The following PKP2 variants were observed in gnomAD, a reference collection of about 807,000 sequenced individuals.
PKP2 encodes plakophilin 2.
PKP2 carries 73 observed loss-of-function variants against 83.4 expected under a neutral mutation model. The observed-to-expected ratio is 0.88, with a 90% CI of 0.72 to 1.06. The LOEUF (loss-of-function observed/expected upper bound fraction) is 1.06. Among genes scored for constraint, PKP2 ranks in the 50% least tolerant of loss-of-function variants. The pLI is 0.00. For missense variants in PKP2, 966 were observed against 1,065.4 expected (o/e 0.91, Z 1.30); for synonymous variants, 409 against 430.4 (o/e 0.95, Z 0.62).
chr12:32,795,916 T>C (rs1412748731), intron 11 of PKP2, among the ~76,000 whole-genome samples, 193 bp downstream of exon 11: 1 of 152,136 alleles, frequency 6.6e-6, no homozygotes, highest in East Asian at 1.9e-4. Context: ...GGGACAAGCA[T>C]GTGGTGTGGT....
At chr12:32,871,243 C>A (rs1172226272) in intron 3 of PKP2, among the ~76,000 whole-genome samples, 1 of 152,086 alleles carries the variant, frequency 6.6e-6, no homozygotes, top group Non-Finnish European at 1.5e-5. Flanking sequence ...GCTTATCATA[C>A]TACCTAATTC....
chr12:32,878,929 G>A lies in PKP2; in HGVS notation c.327C>T (p.Asp109=), dbSNP rs1285494956. 5 of 1,546,694 alleles carry A rather than the reference G, an allele frequency of 3.2e-6. No individual in the cohort carries two copies. Among genetic ancestry groups the A allele is most frequent in the Non-Finnish European group, 4.5e-6 (5 of 1,120,270 alleles). Residue 109 remains aspartate, a synonymous_variant, in exon 2 of 13, where the codon GAC becomes GAT. Transcript: ENST00000340811. ...GGRSPVPKTY[D]MLKAGTTATY... is the part of the protein sequence containing the mutation. ...TTCTTTGATATCCTACCTTTAGCAT[G>A]TCATAGGTTTTAGGAACAGGGGAAC...
Position 32,802,459 on chromosome 12 carries a change from G to A in PKP2, c.2111C>T (p.Thr704Ile). The A allele has an allele frequency of 1.2e-6, 2 of 1,614,130 alleles. No individual in the cohort carries two copies. The highest frequency in any genetic ancestry group is 1.3e-5 in the African/African-American group (1 of 75,048). The change falls in exon 10 of 13, where the codon ACA becomes ATA. Residue 704 changes from threonine (T) to isoleucine (I), a missense_variant. Transcript: ENST00000340811. The part of the protein sequence containing the change: ...LHVGDPSVKK[T>I]AISLLRNLSR... ...CAGATTCCTCAGCAGCGAGATGGCT[G>A]TCTTTTTCACACTTGGGTCACCAAC... is the stretch of plus-strand genomic sequence containing the variant.
chr12:32,803,575 T>C (rs910701882), intron 9 of PKP2, among the ~76,000 whole-genome samples: 1 of 152,222 alleles, frequency 6.6e-6, no homozygotes, highest in Non-Finnish European at 1.5e-5. Flanking sequence ...CTTTAGCTAT[T>C]TGTGTAATAC....
At chr12:32,863,971 G>C (rs936221894) in intron 4 of PKP2, among the ~76,000 whole-genome samples, 2 of 151,768 alleles carry the variant, frequency 1.3e-5, no homozygotes, top group Non-Finnish European at 2.9e-5. Context: ...AACCAGGTGG[G>C]GTTTATGAAT....
At chr12:32,894,162 G>A (rs1191469541) in intron 1 of PKP2, 1 of 152,092 alleles carries the variant, frequency 6.6e-6, no homozygotes, top group Admixed American at 6.6e-5. Flanking sequence ...CCCGACCTCA[G>A]GTGATCCTCC....
chr12:32,798,031 C>T (rs1022606320), intron 10 of PKP2, among the ~76,000 whole-genome samples: 43 of 150,244 alleles, frequency 2.9e-4, no homozygotes, highest in African/African-American at 9.0e-4. Context: ...AAATAATAAA[C>T]GAATAATCTT....
chr12:32,862,099 G>A (rs1176074587), intron 4 of PKP2, among the ~76,000 whole-genome samples: 1 of 152,060 alleles, frequency 6.6e-6, no homozygotes, highest in African/African-American at 2.4e-5. Flanking sequence ...GTTTTACCAT[G>A]TTGCCCAGGC....
intron 4 of PKP2, among the ~76,000 whole-genome samples, chr12:32,855,135 T>G (rs1956733983): frequency 6.6e-6 from 1 of 152,206 alleles, no homozygotes. Context: ...TAACTTTTAT[T>G]GGGAAACAAT....
chr12:32,798,081 C>G (rs1956145083), intron 10 of PKP2, among the ~76,000 whole-genome samples: 1 of 62,784 alleles, frequency 1.6e-5, no homozygotes, highest in Admixed American at 1.6e-4. Flanking sequence ...TAATACTACT[C>G]TTGTTTTTTT....
chr12:32,844,634 CAGAA>C (rs1490049207), intron 5 of PKP2, among the ~76,000 whole-genome samples: 1 of 152,114 alleles, frequency 6.6e-6, no homozygotes, highest in Non-Finnish European at 1.5e-5. Context: ...TTGAAGAAAA[CAGAA>C]AGAACTACTT....
chr12:32,828,354 A>G (rs34321778), intron 6 of PKP2, among the ~76,000 whole-genome samples: 6,913 of 152,328 alleles, frequency 0.045, 227 homozygotes, highest in Middle Eastern at 0.082. Context: ...ATAGAATTAA[A>G]AGAAAGAATG....
intron 1 of PKP2, among the ~76,000 whole-genome samples, chr12:32,891,721 T>C (rs964086406): frequency 3.9e-5 from 6 of 152,194 alleles, no homozygotes; most frequent in East Asian, 1.9e-4. Context: ...CTGTCACATA[T>C]AGAACAATGT....
Position 32,841,086 on chromosome 12 carries a change from G to A in PKP2, c.1498C>T (p.Pro500Ser). 1 of 1,613,870 alleles carries A rather than the reference G, an allele frequency of 6.2e-7. No homozygotes were observed. Among genetic ancestry groups the A allele is most frequent in the Non-Finnish European group, 8.5e-7 (1 of 1,179,864 alleles). Residue 500 changes from proline to serine, a missense_variant, in exon 6 of 13, where the codon CCA becomes TCA. Transcript: ENST00000340811. ...PFSGWPEGDY[P>S]KANGLLDFDI... ...AAATCGAGCAAACCATTTGCTTTTGGGTAGTCTCCTTCAGGCCACCCAGAA... is the reference window on the plus strand; with the variant it reads ...AAATCGAGCAAACCATTTGCTTTTGAGTAGTCTCCTTCAGGCCACCCAGAA...
At chr12:32,866,150 A>T (rs759257307) in intron 4 of PKP2, among the ~76,000 whole-genome samples, 15 of 152,164 alleles carry the variant, frequency 9.9e-5, no homozygotes, top group Admixed American at 2.0e-4. Flanking sequence ...AGAAAATATT[A>T]AAAAACTTAC....
At chr12:32,838,738 C>T (rs1358344485) in intron 6 of PKP2, among the ~76,000 whole-genome samples, 1 of 152,158 alleles carries the variant, frequency 6.6e-6, no homozygotes, top group Non-Finnish European at 1.5e-5. Context: ...TTTTTAAATG[C>T]ATAGGCTTAG....
intron 11 of PKP2, among the ~76,000 whole-genome samples, chr12:32,793,656 A>G (rs935243875): frequency 9.2e-6 from 1 of 109,240 alleles, no homozygotes; most frequent in African/African-American, 3.6e-5. Flanking sequence ...AGTGCAGTGG[A>G]GCGATCTCGG....
intron 1 of PKP2, among the ~76,000 whole-genome samples, chr12:32,891,684 C>A (rs999611017): frequency 6.6e-6 from 1 of 152,166 alleles, no homozygotes; most frequent in Non-Finnish European, 1.5e-5. Flanking sequence ...AGTCTTCCTT[C>A]CTTTAAGGTA....
At chr12:32,831,824 T>C (rs1956503638) in intron 6 of PKP2, among the ~76,000 whole-genome samples, 1 of 152,150 alleles carries the variant, frequency 6.6e-6, no homozygotes, top group Non-Finnish European at 1.5e-5. Context: ...TGTAAGGTGG[T>C]CAACTGGTTG....
Sources: allele counts gnomAD v4.1 joint callset (sites outside exome capture counted in the v4.1 genomes callset), GRCh38; gene constraint gnomAD v4.1.1; transcripts MANE v1.5; gene names NCBI Gene and HGNC (gene_info 2026-07-23, HGNC 2026-07-21).